The following CNTNAP2 variants were observed in gnomAD, a reference collection of about 807,000 sequenced individuals.
The protein encoded by CNTNAP2 is contactin associated protein 2, also known as contactin-associated protein-like 2.
A neutral mutation model predicts 155.2 loss-of-function variants in CNTNAP2; 98 were observed. The ratio of observed to expected loss-of-function variants is 0.63; its 90% confidence interval spans 0.54 to 0.75. The LOEUF (loss-of-function observed/expected upper bound fraction) is 0.75. CNTNAP2 is among the 30% of genes least tolerant of loss of function. The pLI is 0.00. For missense variants in CNTNAP2, 1,727 were observed against 1,688.1 expected, an observed-to-expected ratio of 1.02 and a Z score of -0.40; for synonymous variants, 651 against 631.2, an observed-to-expected ratio of 1.03 and a Z score of -0.47.
chr7:147,762,035 A>G (rs2116520182), intron 13 of CNTNAP2, among the ~76,000 whole-genome samples: 1 of 152,286 alleles, frequency 6.6e-6, no homozygotes, highest in South Asian at 2.1e-4. Flanking sequence ...GATGAAGACA[A>G]AAGTAAACTT....
At chr7:146,264,504 A>C (rs1307131345) in intron 1 of CNTNAP2, among the ~76,000 whole-genome samples, 2 of 152,034 alleles carry the variant, frequency 1.3e-5, no homozygotes, top group Non-Finnish European at 2.9e-5. Flanking sequence ...TAATCTATCC[A>C]GTAAATTGAG....
intron 13 of CNTNAP2, among the ~76,000 whole-genome samples, chr7:147,741,187 C>T (rs1025045496): frequency 4.6e-5 from 7 of 152,142 alleles, no homozygotes; most frequent in African/African-American, 7.2e-5. Flanking sequence ...CAGCACTGGC[C>T]GCAGCACTGT....
At chr7:147,331,470 G>T (rs893414221) in intron 9 of CNTNAP2, among the ~76,000 whole-genome samples, 1 of 152,022 alleles carries the variant, frequency 6.6e-6, no homozygotes, top group Non-Finnish European at 1.5e-5. Context: ...TAATTTGGGA[G>T]CACCAATACA....
intron 1 of CNTNAP2, among the ~76,000 whole-genome samples, chr7:146,464,187 G>GTT (rs369508603): frequency 0.017 from 1,511 of 91,474 alleles, 76 homozygotes; most frequent in Non-Finnish European, 0.023. Flanking sequence ...CTTTGAAACT[G>GTT]TTTTTTTTTT....
intron 13 of CNTNAP2, among the ~76,000 whole-genome samples, chr7:147,822,175 ACT>A (rs1261167380): frequency 6.6e-6 from 1 of 151,808 alleles, no homozygotes; most frequent in Non-Finnish European, 1.5e-5. Flanking sequence ...AAGTGGATGG[ACT>A]CTCTATTTTA....
chr7:146,589,783 A>G (rs1010227010), intron 1 of CNTNAP2, among the ~76,000 whole-genome samples: 5 of 151,866 alleles, frequency 3.3e-5, no homozygotes, highest in Non-Finnish European at 7.4e-5. Context: ...GAATGTTGCA[A>G]TGTAAGTTTA....
intron 1 of CNTNAP2, among the ~76,000 whole-genome samples, chr7:146,451,323 A>G (rs193020273): frequency 6.6e-6 from 1 of 152,316 alleles, no homozygotes; most frequent in African/African-American, 2.4e-5. Flanking sequence ...ATCTATGCCC[A>G]ATAACAGAGA....
At chr7:147,749,448 T>C (rs1259048889) in intron 13 of CNTNAP2, among the ~76,000 whole-genome samples, 1 of 152,194 alleles carries the variant, frequency 6.6e-6, no homozygotes, top group Non-Finnish European at 1.5e-5. Context: ...TTTCTGAAAA[T>C]TGAATCCAAC....
rs142439487 is a variant in CNTNAP2, at chr7:148,369,063, C to T, written c.3476-14586C>T. Among the ~76,000 whole-genome samples, 14 of 151,436 alleles carry T rather than the reference C, an allele frequency of 9.2e-5. No individual in the cohort carries two copies. The East Asian group carries it at 2.7e-3, about 30-fold the overall frequency. ...GGGTCTGTCTCTCTTCTCTCACAAA[C>T]ATTAATAAGACATTGTGTTTCAAAT... On this transcript the variant is annotated intron_variant, in intron 21 of 23. Transcript: ENST00000361727.
intron 13 of CNTNAP2, among the ~76,000 whole-genome samples, chr7:147,887,896 G>T (rs181528649): frequency 5.5e-4 from 84 of 152,320 alleles, no homozygotes; most frequent in African/African-American, 1.8e-3. Context: ...TCTGATGCAT[G>T]TTTACAGCCT....
At chr7:147,696,986 A>AT (rs1796170030) in intron 13 of CNTNAP2, among the ~76,000 whole-genome samples, 1 of 152,058 alleles carries the variant, frequency 6.6e-6, no homozygotes, top group Non-Finnish European at 1.5e-5. Context: ...TTAAATTTTC[A>AT]TTTTTTGGCA....
intron 8 of CNTNAP2, among the ~76,000 whole-genome samples, chr7:147,184,724 G>C (rs1278387320): frequency 6.6e-6 from 1 of 152,124 alleles, no homozygotes; most frequent in Non-Finnish European, 1.5e-5. Context: ...AGAGAAGTTG[G>C]AAGGAGAAGA....
At chr7:146,136,400 C>T (rs1193380673) in intron 1 of CNTNAP2, among the ~76,000 whole-genome samples, 1 of 152,152 alleles carries the variant, frequency 6.6e-6, no homozygotes, top group African/African-American at 2.4e-5. Context: ...GACCTCAAAA[C>T]TTTACCATGA....
intron 1 of CNTNAP2, among the ~76,000 whole-genome samples, chr7:146,455,743 C>A (rs913959498): frequency 6.6e-6 from 1 of 152,030 alleles, no homozygotes; most frequent in Non-Finnish European, 1.5e-5. Flanking sequence ...AAAGAAAATA[C>A]AATAATTAGG....
chr7:147,214,198 A>G (rs75346935), intron 8 of CNTNAP2, among the ~76,000 whole-genome samples: 1,580 of 152,230 alleles, frequency 0.01, 35 homozygotes, highest in Non-Finnish European at 0.011. Flanking sequence ...AAAACACCAT[A>G]CGTAGGAGTT....
intron 21 of CNTNAP2, among the ~76,000 whole-genome samples, chr7:148,330,440 G>C (rs1192630112): frequency 6.6e-6 from 1 of 150,830 alleles, no homozygotes; most frequent in Non-Finnish European, 1.5e-5. Flanking sequence ...GGATGGAGCA[G>C]ACGGGTGGAG....
chr7:146,278,766 T>G (rs997583213), intron 1 of CNTNAP2, among the ~76,000 whole-genome samples: 2 of 152,130 alleles, frequency 1.3e-5, no homozygotes, highest in African/African-American at 4.8e-5. Flanking sequence ...AAATTAAGGA[T>G]TGAAATGAAG....
At chr7:147,058,359 C>T (rs1799601292) in intron 4 of CNTNAP2, among the ~76,000 whole-genome samples, 1 of 151,994 alleles carries the variant, frequency 6.6e-6, no homozygotes, top group African/African-American at 2.4e-5. Flanking sequence ...CTCTAATATT[C>T]TATTATAGAT....
intron 9 of CNTNAP2, among the ~76,000 whole-genome samples, chr7:147,339,412 G>A (rs1795720893): frequency 6.6e-6 from 1 of 152,146 alleles, no homozygotes; most frequent in East Asian, 1.9e-4. Context: ...AACTCTTTGT[G>A]TATGTCAGCT....
Sources: gnomAD v4.1 joint callset for allele counts (sites outside exome capture counted in the v4.1 genomes callset) on GRCh38, gnomAD v4.1.1 for gene constraint, MANE v1.5 for transcripts, NCBI Gene and HGNC (gene_info 2026-07-23, HGNC 2026-07-21) for gene names.